The following GARRE1 variants were observed in gnomAD, a reference collection of about 807,000 sequenced individuals.
GARRE1 encodes the protein granule associated Rac and RHOG effector protein 1.
Under a neutral mutation model 103.2 loss-of-function variants are expected in GARRE1, and 49 were observed. The ratio of observed to expected loss-of-function variants is 0.47; its 90% CI spans 0.38 to 0.60. GARRE1 has a LOEUF of 0.60. GARRE1 is among the 20% of genes least tolerant of loss of function. The probability of loss-of-function intolerance (pLI) is 0.00; values close to 1 mark genes in which losing one functional copy is unlikely to be tolerated. For synonymous variants in GARRE1, 505 were observed against 532.8 expected (o/e 0.95, Z 0.72); for missense variants, 1,199 against 1,370.5 (o/e 0.87, Z 1.98).
chr19:34,338,270 T>G (rs1175064967), intron 8 of GARRE1, among the ~76,000 whole-genome samples: 1 of 152,096 alleles, frequency 6.6e-6, no homozygotes, highest in African/African-American at 2.4e-5. Context: ...ACCAAGTGGC[T>G]CACACCCGTA....
At chr19:34,351,968 C>T (rs986893663) in intron 13 of GARRE1, among the ~76,000 whole-genome samples, 2 of 151,752 alleles carry the variant, frequency 1.3e-5, no homozygotes, top group Admixed American at 1.3e-4. Flanking sequence ...CATGGTGGCA[C>T]ATGCCTGTAG....
intron 9 of GARRE1, among the ~76,000 whole-genome samples, chr19:34,340,526 C>A (rs1319284107): frequency 6.7e-6 from 1 of 149,590 alleles, no homozygotes; most frequent in Admixed American, 7.0e-5. Context: ...GGATCTGGCT[C>A]TGTTGCCCAG....
At chr19:34,262,295 T>TTTTTTTTTTTTTTTG (rs2073723646) in intron 1 of GARRE1, among the ~76,000 whole-genome samples, 1 of 120,890 alleles carries the variant, frequency 8.3e-6, no homozygotes, top group Non-Finnish European at 1.8e-5. Context: ...TGCTTTTTTT[T>TTTTTTTTTTTTTTTG]TTTTTTTTTT....
rs2074116859 is a variant in GARRE1, at chr19:34,327,444, A to G, written c.729A>G (p.Arg243=). ...AAEATSRLRE[R]GCDGCLAGIE... Reference sequence around the variant, plus strand: ...AGGCGACATCTAGACTAAGAGAAAGAGGCTGTGATGGTTGCCTGGCAGGAA... The same window carrying G: ...AGGCGACATCTAGACTAAGAGAAAGGGGCTGTGATGGTTGCCTGGCAGGAA... Residue 243 remains arginine, a synonymous_variant, in exon 4 of 14, where the codon AGA becomes AGG. Coordinates refer to ENST00000299505, the MANE Select transcript of GARRE1 (RefSeq NM_014686.5). 1.2e-6 allele frequency: 2 copies of G among 1,613,992 alleles called. No homozygotes were observed.
chr19:34,340,049 G>C, intron 9 of GARRE1, 57 bp downstream of exon 9: 1 of 1,569,378 alleles, frequency 6.4e-7, no homozygotes, highest in Non-Finnish European at 8.8e-7. Context: ...ACTATGCACA[G>C]TTTCATGTGT....
At chr19:34,314,383 G>T (rs2074050570) in intron 2 of GARRE1, among the ~76,000 whole-genome samples, 1 of 152,124 alleles carries the variant, frequency 6.6e-6, no homozygotes, top group East Asian at 1.9e-4. Context: ...AATATGGGCT[G>T]TTTAGTAATC....
At chr19:34,275,073 C>A (rs1396430701) in intron 1 of GARRE1, among the ~76,000 whole-genome samples, 1 of 151,890 alleles carries the variant, frequency 6.6e-6, no homozygotes, top group Non-Finnish European at 1.5e-5. Flanking sequence ...CTTCACTAAT[C>A]TGCCTAAAGA....
chr19:34,305,876 C>T, intron 2 of GARRE1, among the ~76,000 whole-genome samples: 1 of 152,208 alleles, frequency 6.6e-6, no homozygotes, highest in African/African-American at 2.4e-5. Context: ...GCTGAACAGG[C>T]TTTCCCAGAC....
At chr19:34,314,647 C>A (rs192531871) in intron 2 of GARRE1, among the ~76,000 whole-genome samples, 1 of 152,182 alleles carries the variant, frequency 6.6e-6, no homozygotes, top group Non-Finnish European at 1.5e-5. Context: ...GGTTCTGCCA[C>A]CCTTGGGCCT....
At position 34,328,196 on chromosome 19, in the gene GARRE1, T is replaced by C. The variant is rs148717554; in HGVS notation, c.1104+45T>C. On this transcript the variant is annotated intron_variant, in intron 6 of 13. Transcript: ENST00000299505. ...CAGCAAATGAGTGTGAACTTGAAAA[T>C]AGAGTTCTTAAGAGAAATGTAAAGG... The C allele has an allele frequency of 4.3e-5, 68 of 1,594,486 alleles. No homozygotes were observed. The East Asian group carries it at 1.3e-3, about 31-fold the overall frequency.
At chr19:34,342,507 C>T (rs1317678230) in intron 10 of GARRE1, 52 bp downstream of exon 10, 4 of 1,505,790 alleles carry the variant, frequency 2.7e-6, no homozygotes, top group African/African-American at 1.4e-5. Flanking sequence ...ATGCAACTGC[C>T]GAGGTCTTCC....
intron 1 of GARRE1, among the ~76,000 whole-genome samples, chr19:34,255,165 T>A (rs565483879): frequency 8.9e-6 from 1 of 112,938 alleles, no homozygotes; most frequent in South Asian, 3.1e-4. Context: ...CGGAGCCAGC[T>A]GGCGCATTGG....
chr19:34,339,224 G>T (rs2074174543), intron 8 of GARRE1, among the ~76,000 whole-genome samples: 1 of 152,196 alleles, frequency 6.6e-6, no homozygotes, highest in South Asian at 2.1e-4. Context: ...CCATCCACAA[G>T]TCCCAGGTTG....
chr19:34,267,285 A>G (rs1275805811), intron 1 of GARRE1, among the ~76,000 whole-genome samples: 4 of 152,088 alleles, frequency 2.6e-5, no homozygotes, highest in Admixed American at 2.0e-4. Flanking sequence ...TGCAGCCTCA[A>G]TCTCCCTGGC....
At chr19:34,339,034 A>G (rs1385490526) in intron 8 of GARRE1, among the ~76,000 whole-genome samples, 1 of 152,240 alleles carries the variant, frequency 6.6e-6, no homozygotes, top group Non-Finnish European at 1.5e-5. Context: ...AAGAGCTGTC[A>G]GGATTCACTG....
chr19:34,301,982 CTTTTTTTTT>C (rs35417822), intron 2 of GARRE1, among the ~76,000 whole-genome samples: 210 of 50,062 alleles, frequency 4.2e-3, no homozygotes, highest in Middle Eastern at 0.036. Context: ...TGCGCCCAGC[CTTTTTTTTT>C]TTTTTTTTTT....
intron 2 of GARRE1, among the ~76,000 whole-genome samples, chr19:34,303,699 T>A (rs1441588251): frequency 6.6e-6 from 1 of 152,122 alleles, no homozygotes; most frequent in African/African-American, 2.4e-5. Context: ...CACTGCAGCC[T>A]CCGCTGCCCG....
chr19:34,275,601 T>C (rs2073812418), intron 1 of GARRE1, among the ~76,000 whole-genome samples: 1 of 152,244 alleles, frequency 6.6e-6, no homozygotes, highest in African/African-American at 2.4e-5. Context: ...ACAGTTATAC[T>C]ACATTTTGTT....
intron 1 of GARRE1, among the ~76,000 whole-genome samples, chr19:34,274,231 C>G (rs991667890): frequency 6.6e-6 from 1 of 151,978 alleles, no homozygotes; most frequent in African/African-American, 2.4e-5. Flanking sequence ...TATGGAGAAA[C>G]CCCGTCTGTA....
Sources: allele counts gnomAD v4.1 joint callset (sites outside exome capture counted in the v4.1 genomes callset), GRCh38; gene constraint gnomAD v4.1.1; transcripts MANE v1.5; gene names NCBI Gene and HGNC (gene_info 2026-07-23, HGNC 2026-07-21).